Variants in ERO1B observed in about 807,000 individuals in gnomAD.
The protein encoded by ERO1B is endoplasmic reticulum oxidoreductase 1 beta.
Under a neutral mutation model 75.3 loss-of-function variants are expected in ERO1B, and 49 were observed. The observed-to-expected ratio is 0.65, with a 90% confidence interval of 0.52 to 0.83. The LOEUF is 0.83. Among genes scored for constraint, ERO1B ranks in the 40% least tolerant of loss-of-function variants. The probability of loss-of-function intolerance (pLI) is 0.00; values close to 1 mark genes in which losing one functional copy is unlikely to be tolerated. For missense variants in ERO1B, 512 were observed against 560.1 expected (o/e 0.91, Z 0.87); for synonymous variants, 191 against 192.9 (o/e 0.99, Z 0.08).
intron 1 of ERO1B, among the ~76,000 whole-genome samples, chr1:236,279,601 G>A (rs1665783235): frequency 6.6e-6 from 1 of 151,616 alleles, no homozygotes; most frequent in Non-Finnish European, 1.5e-5. Context: ...GGCCGAGGCA[G>A]GCGGATCACC....
intron 10 of ERO1B, among the ~76,000 whole-genome samples, chr1:236,228,043 A>G (rs1009226296): frequency 6.6e-6 from 1 of 152,210 alleles, no homozygotes; most frequent in Non-Finnish European, 1.5e-5. Flanking sequence ...ATTATCAAGT[A>G]ACAAAATATC....
chr1:236,267,616 T>C (rs1483011173), intron 2 of ERO1B, among the ~76,000 whole-genome samples: 22 of 152,212 alleles, frequency 1.4e-4, no homozygotes, highest in Admixed American at 1.4e-3. Context: ...CTGTATTACA[T>C]TGAGCAATAT....
At chr1:236,250,303 C>T (rs1373595634) in intron 4 of ERO1B, among the ~76,000 whole-genome samples, 1 of 151,808 alleles carries the variant, frequency 6.6e-6, no homozygotes, top group African/African-American at 2.4e-5. Context: ...AACCCCGTCT[C>T]TACTAAAAAT....
chr1:236,238,173 G>T (rs1479025917), intron 6 of ERO1B, among the ~76,000 whole-genome samples: 2 of 152,106 alleles, frequency 1.3e-5, no homozygotes, highest in Non-Finnish European at 2.9e-5. Flanking sequence ...TTAGACAATG[G>T]AAACATGATT....
intron 2 of ERO1B, among the ~76,000 whole-genome samples, chr1:236,268,668 C>A (rs1404388440): frequency 6.6e-6 from 1 of 151,814 alleles, no homozygotes; most frequent in Admixed American, 6.6e-5. Flanking sequence ...GGGCGGATCA[C>A]AAGGTCAGGA....
chr1:236,227,306 A>G (rs1398231680), intron 10 of ERO1B, among the ~76,000 whole-genome samples: 2 of 152,196 alleles, frequency 1.3e-5, no homozygotes, highest in African/African-American at 4.8e-5. Flanking sequence ...GTGGAATCAT[A>G]TCAGTGGAGT....
rs1386647805 is a variant in ERO1B at position 236,221,854 on chromosome 1, TA to T, written c.1209+69del. ...TCAATGAACAATGAGGACATTTTAA[TA>T]AAAAGCTTGGACTCAGTGGAAAAAA... On this transcript the variant is annotated intron_variant, in intron 14 of 15. Coordinates refer to ENST00000354619, the MANE Select transcript of ERO1B (RefSeq NM_019891.4). 9 of 1,154,674 alleles carry T rather than the reference TA, an allele frequency of 7.8e-6. No individual in the cohort carries two copies. In the African/African-American group the frequency reaches 1.2e-4, roughly 16 times the overall value. The allele number at this position is 1,154,674 out of a possible 1,614,324, so 71.5% of individuals were successfully genotyped here. A position where few individuals can be genotyped will look rare whatever the true frequency, so the allele number is the denominator to read the frequency against.
intron 6 of ERO1B, among the ~76,000 whole-genome samples, chr1:236,242,882 C>A (rs1664746486): frequency 1.3e-5 from 2 of 152,116 alleles, no homozygotes; most frequent in African/African-American, 4.8e-5. Flanking sequence ...AGTCTTTCTA[C>A]CATTCCAGGG....
At chr1:236,272,872 CA>C (rs1231620102) in intron 1 of ERO1B, among the ~76,000 whole-genome samples, 3 of 151,914 alleles carry the variant, frequency 2.0e-5, no homozygotes, top group Admixed American at 6.6e-5. Context: ...CTTTTGTTAA[CA>C]CGTTATTATG....
At chr1:236,277,142 G>A (rs1227085967) in intron 1 of ERO1B, among the ~76,000 whole-genome samples, 3 of 152,174 alleles carry the variant, frequency 2.0e-5, no homozygotes, top group Admixed American at 1.3e-4. Flanking sequence ...AGTGGCTCAC[G>A]CCTGTAATCC....
In ERO1B at chr1:236,226,733, C is replaced by A; in HGVS notation, c.719G>T (p.Cys240Phe). 4 of 1,606,352 alleles carry A rather than the reference C, an allele frequency of 2.5e-6. No individual in the cohort carries two copies. The highest frequency in any genetic ancestry group is 3.4e-6 in the Non-Finnish European group (4 of 1,177,646). ...ESFYTWLEGL[C>F]LEKRVFYKLI... ...CTTATAGAAGACTCTTTTCTCCAGACACAAACCTATTCAGAAAAATATTGA... is the reference window on the plus strand; with the variant it reads ...CTTATAGAAGACTCTTTTCTCCAGAAACAAACCTATTCAGAAAAATATTGA... The change falls in exon 11 of 16, where the codon TGT (cysteine) becomes TTT (phenylalanine). Residue 240 changes from cysteine (C) to phenylalanine (F), a missense_variant. Coordinates refer to ENST00000354619, the MANE Select transcript of ERO1B (RefSeq NM_019891.4).
chr1:236,259,083 C>T (rs1438420228), intron 2 of ERO1B, among the ~76,000 whole-genome samples: 1 of 151,970 alleles, frequency 6.6e-6, no homozygotes, highest in Non-Finnish European at 1.5e-5. Context: ...AGATATAAGA[C>T]ATGTCCTTAA....
At chr1:236,268,737 T>C (rs971104758) in intron 2 of ERO1B, among the ~76,000 whole-genome samples, 7 of 151,544 alleles carry the variant, frequency 4.6e-5, no homozygotes, top group South Asian at 4.2e-4. Context: ...ATACAAAATA[T>C]TAGCCGTGCG....
rs1041514092 is a variant in ERO1B at position 236,217,495 on chromosome 1, G to A, written c.*1021C>T. 6.6e-6 allele frequency: 1 copy of A among 152,432 alleles called. No individual in the cohort carries two copies. The highest frequency in any genetic ancestry group is 1.5e-5 in the Non-Finnish European group (1 of 67,944). 9.4% of individuals were successfully genotyped at this position (152,432 alleles called of 1,614,324 possible). A position where few individuals can be genotyped will look rare whatever the true frequency, so the allele number is the denominator to read the frequency against. ...CTACCTTTTTATATATCCTGTCAGG[G>A]AAAAGCACACTGAGTTCGAGGATTG... On this transcript the variant is annotated 3_prime_UTR_variant, in exon 16 of 16. Coordinates refer to ENST00000354619, the MANE Select transcript of ERO1B (RefSeq NM_019891.4).
At chr1:236,273,159 C>T (rs759263794) in intron 1 of ERO1B, among the ~76,000 whole-genome samples, 5 of 151,968 alleles carry the variant, frequency 3.3e-5, no homozygotes, top group Non-Finnish European at 5.9e-5. Flanking sequence ...GAGAGGAAGG[C>T]GGGAGTGTCA....
chr1:236,244,406 A>T (rs930887163), intron 5 of ERO1B, among the ~76,000 whole-genome samples: 3 of 152,136 alleles, frequency 2.0e-5, no homozygotes, highest in African/African-American at 7.2e-5. Flanking sequence ...TTACTGTGGA[A>T]TTTTTTTCCC....
At chr1:236,248,254 A>G (rs938255427) in intron 5 of ERO1B, among the ~76,000 whole-genome samples, 2 of 152,212 alleles carry the variant, frequency 1.3e-5, no homozygotes, top group Admixed American at 1.3e-4. Context: ...AAATAAAAAC[A>G]AGGTACTATT....
At chr1:236,233,328 A>G (rs1045335101) in intron 8 of ERO1B, among the ~76,000 whole-genome samples, 3 of 149,090 alleles carry the variant, frequency 2.0e-5, no homozygotes, top group Admixed American at 1.3e-4. Flanking sequence ...AAAAAAGAAG[A>G]AGGCTGGGCA....
chr1:236,259,659 T>A (rs1458996068), intron 2 of ERO1B, among the ~76,000 whole-genome samples: 1 of 152,030 alleles, frequency 6.6e-6, no homozygotes, highest in Non-Finnish European at 1.5e-5. Context: ...TTTAAAATGA[T>A]AAGGGGGTCA....
Sources: gnomAD v4.1 joint callset for allele counts (sites outside exome capture counted in the v4.1 genomes callset) on GRCh38, gnomAD v4.1.1 for gene constraint, MANE v1.5 for transcripts, NCBI Gene and HGNC (gene_info 2026-07-23, HGNC 2026-07-21) for gene names.